The following BBS9 variants were observed in gnomAD, a reference collection of about 807,000 sequenced individuals.
BBS9 encodes Bardet-Biedl syndrome 9, also known as protein PTHB1.
A neutral mutation model predicts 117.7 loss-of-function variants in BBS9; 89 were observed. The ratio of observed to expected loss-of-function variants is 0.76; its 90% CI spans 0.64 to 0.90. BBS9 has a LOEUF of 0.90. Among genes scored for constraint, BBS9 ranks in the 40% least tolerant of loss-of-function variants. BBS9 has a pLI of 0.00. For synonymous variants in BBS9, 379 were observed against 370.9 expected (o/e 1.02, Z -0.25); for missense variants, 982 against 1,042.2 (o/e 0.94, Z 0.80).
At chr7:33,500,142 T>A (rs1845244915) in intron 19 of BBS9, among the ~76,000 whole-genome samples, 1 of 152,256 alleles carries the variant, frequency 6.6e-6, no homozygotes, top group Non-Finnish European at 1.5e-5. Flanking sequence ...ACCACACAAC[T>A]TTGTGCAGAA....
intron 17 of BBS9, among the ~76,000 whole-genome samples, chr7:33,369,923 G>A (rs1465097580): frequency 6.6e-6 from 1 of 152,176 alleles, no homozygotes; most frequent in Non-Finnish European, 1.5e-5. Context: ...TGATTCATAA[G>A]TCACATAGAA....
At chr7:33,355,196 A>G (rs920627579) in intron 15 of BBS9, among the ~76,000 whole-genome samples, 3 of 151,930 alleles carry the variant, frequency 2.0e-5, no homozygotes, top group Admixed American at 6.6e-5. Context: ...TTACAAACAC[A>G]TACACCCACA....
intron 9 of BBS9, among the ~76,000 whole-genome samples, chr7:33,281,522 T>C (rs1272425064): frequency 2.6e-5 from 4 of 151,842 alleles, no homozygotes; most frequent in Non-Finnish European, 5.9e-5. Flanking sequence ...TGCAGGCATG[T>C]GTCACCACAC....
chr7:33,271,520 ACT>A (rs1479512460), intron 7 of BBS9, among the ~76,000 whole-genome samples: 1 of 152,122 alleles, frequency 6.6e-6, no homozygotes, highest in Non-Finnish European at 1.5e-5. Flanking sequence ...GATGAAGAAA[ACT>A]CTGTGAAGCA....
At position 33,406,929 on chromosome 7, in the gene BBS9, C is replaced by T. The variant is rs866823414; in HGVS notation, c.2115+18785C>T. Among the ~76,000 whole-genome samples, 14 of 152,188 alleles carry T rather than the reference C, an allele frequency of 9.2e-5. 1 individual carries two copies. The highest frequency in any genetic ancestry group is 1.9e-4 in the East Asian group (1 of 5,168). ...TTATGTGTCTTGGAGTTGCTCTTCT[C>T]GAGGAGTGTCTTTGTGGAATTCTCT... On this transcript the variant is annotated intron_variant, in intron 19 of 22. Transcript: ENST00000242067.
intron 19 of BBS9, among the ~76,000 whole-genome samples, chr7:33,432,202 A>G (rs572983251): frequency 2.7e-5 from 4 of 148,796 alleles, no homozygotes; most frequent in South Asian, 4.2e-4. Flanking sequence ...TTCGCCTCCC[A>G]GGTTCACGCC....
intron 1 of BBS9, among the ~76,000 whole-genome samples, chr7:33,134,435 T>A (rs1162701872): frequency 6.6e-6 from 1 of 152,062 alleles, no homozygotes; most frequent in Admixed American, 6.5e-5. Context: ...TCAGACCCAT[T>A]GTTCATTTTT....
intron 19 of BBS9, among the ~76,000 whole-genome samples, chr7:33,503,301 A>G (rs1845701381): frequency 1.3e-5 from 2 of 152,164 alleles, no homozygotes; most frequent in African/African-American, 2.4e-5. Flanking sequence ...CAAATACCTT[A>G]TATTTGCTGA....
In BBS9 at chr7:33,605,054, G is replaced by A. The variant is rs561639091; in HGVS notation, c.2632+79G>A. ...TCTGGTCAGTTTTTGTCATACCAGA[G>A]AGCATTCCGCAAAGCTGCTTGTTTT... On this transcript the variant is annotated intron_variant, in intron 22 of 22. Transcript: ENST00000242067. 155 of 1,472,022 alleles carry A rather than the reference G, an allele frequency of 1.1e-4. No individual in the cohort carries two copies. In the African/African-American group the frequency reaches 1.9e-3, roughly 18 times the overall value. The allele number at this position is 1,472,022 out of a possible 1,614,324, so 91.2% of individuals were successfully genotyped here. A position where few individuals can be genotyped will look rare whatever the true frequency, so the allele number is the denominator to read the frequency against.
intron 20 of BBS9, among the ~76,000 whole-genome samples, chr7:33,522,686 A>G (rs537425151): frequency 0.14 from 20,510 of 148,600 alleles, 1,203 homozygotes; most frequent in African/African-American, 0.22. Flanking sequence ...ATTTTCTCCC[A>G]TTTTGTAGGT....
intron 20 of BBS9, among the ~76,000 whole-genome samples, chr7:33,526,016 G>T (rs369423016): frequency 7.3e-5 from 11 of 151,446 alleles, no homozygotes; most frequent in East Asian, 1.9e-4. Context: ...GAAGCTTAGT[G>T]TGGCTGGATA....
chr7:33,515,453 A>C (rs1847614556), intron 20 of BBS9, among the ~76,000 whole-genome samples: 1 of 152,154 alleles, frequency 6.6e-6, no homozygotes, highest in Non-Finnish European at 1.5e-5. Context: ...TGTTGCCTTC[A>C]TGATTTCTTT....
chr7:33,397,030 G>T (rs1828090525), intron 19 of BBS9, among the ~76,000 whole-genome samples: 1 of 152,030 alleles, frequency 6.6e-6, no homozygotes. Flanking sequence ...TCATCAGAGT[G>T]AACAGACAAC....
intron 19 of BBS9, among the ~76,000 whole-genome samples, chr7:33,454,781 G>A (rs1299304455): frequency 6.6e-6 from 1 of 152,198 alleles, no homozygotes; most frequent in Non-Finnish European, 1.5e-5. Flanking sequence ...GGCAGTTTGG[G>A]CAGGGAATTC....
chr7:33,133,214 C>T (rs1008795897), intron 1 of BBS9, among the ~76,000 whole-genome samples: 1 of 152,082 alleles, frequency 6.6e-6, no homozygotes, highest in Non-Finnish European at 1.5e-5. Flanking sequence ...TATCCATCAT[C>T]ATTTGTTATC....
At chr7:33,201,707 G>T (rs1357079280) in intron 5 of BBS9, among the ~76,000 whole-genome samples, 1 of 150,632 alleles carries the variant, frequency 6.6e-6, no homozygotes. Context: ...TATCCTTGTT[G>T]TTTGGGGGCA....
At chr7:33,597,458 GA>G (rs35705458) in intron 21 of BBS9, among the ~76,000 whole-genome samples, 62,426 of 151,856 alleles carry the variant, frequency 0.41, 17,895 homozygotes, top group African/African-American at 0.81. Context: ...AATATATGAA[GA>G]AAAAAAGAAG....
At chr7:33,406,134 C>T (rs554545685) in intron 19 of BBS9, among the ~76,000 whole-genome samples, 134 of 152,208 alleles carry the variant, frequency 8.8e-4, no homozygotes, top group African/African-American at 2.9e-3. Context: ...TGTTCAGTTT[C>T]CATGTAGTTG....
intron 19 of BBS9, among the ~76,000 whole-genome samples, chr7:33,502,533 T>G: frequency 6.6e-6 from 1 of 152,320 alleles, no homozygotes; most frequent in South Asian, 2.1e-4. Context: ...TAAATGTAAT[T>G]TATTTAGTTT....
Sources: gnomAD v4.1 joint callset for allele counts (sites outside exome capture counted in the v4.1 genomes callset) on GRCh38, gnomAD v4.1.1 for gene constraint, MANE v1.5 for transcripts, NCBI Gene and HGNC (gene_info 2026-07-23, HGNC 2026-07-21) for gene names.